The following CCAR1 variants were observed in gnomAD, a reference collection of about 807,000 sequenced individuals.
CCAR1 encodes the protein cell division cycle and apoptosis regulator 1.
CCAR1 carries 78 observed loss-of-function variants against 163.8 expected under a neutral mutation model. That is an observed-to-expected ratio of 0.48 (90% confidence interval 0.40 to 0.57). CCAR1 has a LOEUF of 0.57. Ranked by LOEUF, CCAR1 falls within the 20% of genes least tolerant of loss-of-function variation. The pLI, the probability that CCAR1 is intolerant of heterozygous loss-of-function variation, is 0.00. For synonymous variants in CCAR1, 443 were observed against 460.7 expected, an observed-to-expected ratio of 0.96 and a Z score of 0.49; for missense variants, 1,019 against 1,365.2, an observed-to-expected ratio of 0.75 and a Z score of 4.00.
At chr10:68,755,888 G>A (rs1042774138) in intron 13 of CCAR1, among the ~76,000 whole-genome samples, 1 of 152,112 alleles carries the variant, frequency 6.6e-6, no homozygotes, top group Non-Finnish European at 1.5e-5. Flanking sequence ...ATGTAGTTGC[G>A]ATTATTTTTG....
At chr10:68,753,560 G>A (rs992901843) in intron 10 of CCAR1, among the ~76,000 whole-genome samples, 3 of 152,110 alleles carry the variant, frequency 2.0e-5, no homozygotes, top group African/African-American at 7.2e-5. Context: ...ACCTGCTTTT[G>A]TACAGATCTT....
intron 2 of CCAR1, among the ~76,000 whole-genome samples, chr10:68,731,321 A>T (rs2056034621): frequency 6.6e-6 from 1 of 152,342 alleles, no homozygotes; most frequent in African/African-American, 2.4e-5. Flanking sequence ...AAAAATATTC[A>T]AGGATAGCTT....
chr10:68,751,449 CAAAGATATT>C (rs1490328421), intron 10 of CCAR1, among the ~76,000 whole-genome samples: 5 of 152,186 alleles, frequency 3.3e-5, no homozygotes, highest in African/African-American at 9.6e-5. Context: ...TTCCCAGCCT[CAAAGATATT>C]AAATAGAGGA....
chr10:68,757,942 C>G (rs1177603374), intron 15 of CCAR1, among the ~76,000 whole-genome samples: 1 of 151,608 alleles, frequency 6.6e-6, no homozygotes, highest in African/African-American at 2.4e-5. Context: ...CGGGTTTCAC[C>G]GTGTTAGCCA....
At chr10:68,751,634 G>A (rs577429798) in intron 10 of CCAR1, among the ~76,000 whole-genome samples, 68 of 151,780 alleles carry the variant, frequency 4.5e-4, no homozygotes, top group Admixed American at 1.0e-3. Context: ...AGGCTGAGGC[G>A]GACAGATCAC....
At position 68,771,366 on chromosome 10, in the gene CCAR1, A is replaced by G. The variant is rs753120314; in HGVS notation, c.2459A>G (p.Asp820Gly). The change falls in exon 18 of 25, where the codon GAT becomes GGT. Residue 820 changes from aspartate to glycine, a missense_variant. Asp to Gly is a moderately conservative substitution (Grantham distance 94). Transcript: ENST00000265872. ...AAAGATAAAAAAGAAGAAAGAGATG[A>G]TGAAACTGATGAACCAAAACCCAAA... is the stretch of plus-strand genomic sequence containing the variant. ...ERKDKKEERD[D>G]ETDEPKPKRR... 1.9e-6 allele frequency: 3 copies of G among 1,598,660 alleles called. No individual in the cohort carries two copies. The highest frequency in any genetic ancestry group is 2.6e-6 in the Non-Finnish European group (3 of 1,170,908).
intron 6 of CCAR1, among the ~76,000 whole-genome samples, chr10:68,745,611 C>G (rs2056242817): frequency 6.6e-6 from 1 of 151,742 alleles, no homozygotes; most frequent in Non-Finnish European, 1.5e-5. Context: ...TTACAGGTGC[C>G]TACCACCACG....
chr10:68,737,592 A>G (rs1223559543), intron 3 of CCAR1, among the ~76,000 whole-genome samples: 1 of 151,792 alleles, frequency 6.6e-6, no homozygotes, highest in East Asian at 1.9e-4. Flanking sequence ...AATAAAATTT[A>G]CTTCTTTTTG....
intron 2 of CCAR1, among the ~76,000 whole-genome samples, chr10:68,731,005 A>G (rs1005960376): frequency 6.6e-6 from 1 of 152,184 alleles, no homozygotes; most frequent in Non-Finnish European, 1.5e-5. Flanking sequence ...AATTTTATTT[A>G]GTAGATAGCC....
intron 10 of CCAR1, 37 bp from the exon 11 acceptor site, chr10:68,753,815 T>A (rs746787396): frequency 1.4e-6 from 2 of 1,390,986 alleles, no homozygotes; most frequent in South Asian, 2.4e-5. Context: ...CCTTTTTTAT[T>A]AAGGCTATTT....
intron 10 of CCAR1, among the ~76,000 whole-genome samples, chr10:68,752,464 G>A (rs984841695): frequency 2.6e-5 from 4 of 152,068 alleles, no homozygotes; most frequent in African/African-American, 9.7e-5. Flanking sequence ...CTGGTGATAC[G>A]GAATTGGGAA....
At position 68,755,654 on chromosome 10, in the gene CCAR1, C is replaced by T; in HGVS notation, c.1625+118C>T. 6.7e-6 allele frequency: 5 copies of T among 750,322 alleles called. No individual in the cohort carries two copies. The East Asian group carries it at 1.1e-4, about 16-fold the overall frequency. 46.5% of individuals were successfully genotyped at this position (750,322 alleles called of 1,614,324 possible). A position where few individuals can be genotyped will look rare whatever the true frequency, so the allele number is the denominator to read the frequency against. ...AGCAACCCTGGTCAATGCAGGTAAT[C>T]TCAAAGGAAAATCCCCATTTGTAGC... is the stretch of plus-strand genomic sequence containing the variant. On this transcript the variant is annotated intron_variant, in intron 13 of 24. Coordinates refer to ENST00000265872, the MANE Select transcript of CCAR1 (RefSeq NM_018237.4).
chr10:68,760,963 C>A, intron 15 of CCAR1, 44 bp from the exon 16 acceptor site: 1 of 893,760 alleles, frequency 1.1e-6, no homozygotes, highest in Non-Finnish European at 1.6e-6. Flanking sequence ...CCCCGCCCCC[C>A]GCCACCTTTT....
At chr10:68,732,014 C>A (rs1392472198) in intron 2 of CCAR1, among the ~76,000 whole-genome samples, 1 of 152,000 alleles carries the variant, frequency 6.6e-6, no homozygotes, top group Non-Finnish European at 1.5e-5. Flanking sequence ...TACAGGACAC[C>A]CAGAAAAATT....
intron 8 of CCAR1, 150 bp downstream of exon 8, chr10:68,747,716 G>C: frequency 1.7e-6 from 1 of 587,422 alleles, no homozygotes; most frequent in East Asian, 2.9e-5. Flanking sequence ...TAGCTATGTG[G>C]AAGTATTTTT....
At chr10:68,782,570 G>C (rs2056749380) in intron 19 of CCAR1, among the ~76,000 whole-genome samples, 1 of 152,186 alleles carries the variant, frequency 6.6e-6, no homozygotes, top group African/African-American at 2.4e-5. Flanking sequence ...TTCACAGCTA[G>C]AGAAGAGCAT....
intron 2 of CCAR1, among the ~76,000 whole-genome samples, chr10:68,733,923 C>G (rs1226503959): frequency 6.6e-6 from 1 of 152,158 alleles, no homozygotes; most frequent in Non-Finnish European, 1.5e-5. Context: ...CTCAGCCTCC[C>G]AAAGTGCTGG....
intron 21 of CCAR1, among the ~76,000 whole-genome samples, chr10:68,787,186 C>T (rs1027316408): frequency 6.6e-6 from 1 of 152,128 alleles, no homozygotes; most frequent in Non-Finnish European, 1.5e-5. Flanking sequence ...ATATAAAATT[C>T]TAGATCTTTT....
chr10:68,780,258 C>T lies in CCAR1; in HGVS notation c.2651-5878C>T, dbSNP rs574326132. Among the ~76,000 whole-genome samples, 333 of 152,252 alleles carry T rather than the reference C, an allele frequency of 2.2e-3. 1 individual carries two copies. The highest frequency in any genetic ancestry group is 3.4e-3 in the Middle Eastern group (1 of 294). The stretch of plus-strand genomic sequence containing the variant: ...CTGTTGCCCAGGCTGGGCAGTAGCA[C>T]GCTCGTGGCTCACTGCTGCATTGAA... On this transcript the variant is annotated intron_variant, in intron 19 of 24. Transcript: ENST00000265872.
Sources: gnomAD v4.1 joint callset for allele counts (sites outside exome capture counted in the v4.1 genomes callset) on GRCh38, gnomAD v4.1.1 for gene constraint, MANE v1.5 for transcripts, NCBI Gene and HGNC (gene_info 2026-07-23, HGNC 2026-07-21) for gene names.